The following ERBB4 variants were observed in gnomAD, a reference collection of about 807,000 sequenced individuals.
ERBB4 encodes erb-b2 receptor tyrosine kinase 4.
ERBB4 carries 42 observed loss-of-function variants against 158.0 expected under a neutral mutation model. The ratio of observed to expected loss-of-function variants is 0.27; its 90% CI spans 0.21 to 0.34. The LOEUF (loss-of-function observed/expected upper bound fraction) is 0.34. ERBB4 is among the 10% of genes least tolerant of loss of function. ERBB4 has a pLI of 1.00. For missense variants in ERBB4, 1,333 were observed against 1,624.1 expected (o/e 0.82, Z 3.08); for synonymous variants, 583 against 558.7 (o/e 1.04, Z -0.61).
chr2:211,416,271 C>CA (rs1039398830), intron 25 of ERBB4, among the ~76,000 whole-genome samples: 1 of 151,322 alleles, frequency 6.6e-6, no homozygotes, highest in East Asian at 1.9e-4. Flanking sequence ...TTTATTATAT[C>CA]AAAAAAATAT....
At chr2:212,046,152 T>C (rs1288221855) in intron 2 of ERBB4, among the ~76,000 whole-genome samples, 1 of 152,194 alleles carries the variant, frequency 6.6e-6, no homozygotes, top group African/African-American at 2.4e-5. Context: ...AAAATAATGC[T>C]GTTGAACAGA....
At chr2:211,774,950 A>G (rs1042500300) in intron 4 of ERBB4, among the ~76,000 whole-genome samples, 5 of 152,152 alleles carry the variant, frequency 3.3e-5, no homozygotes, top group Non-Finnish European at 5.9e-5. Flanking sequence ...CAGTAGAGTG[A>G]CTAGAATTTA....
chr2:212,374,414 A>G (rs1161130364), intron 1 of ERBB4, among the ~76,000 whole-genome samples: 1 of 151,718 alleles, frequency 6.6e-6, no homozygotes, highest in South Asian at 2.1e-4. Context: ...ACCTCCAAAA[A>G]TCTAAAAAGT....
At chr2:212,094,566 TA>T (rs1559485760) in intron 2 of ERBB4, among the ~76,000 whole-genome samples, 1 of 149,710 alleles carries the variant, frequency 6.7e-6, no homozygotes, top group Non-Finnish European at 1.5e-5. Flanking sequence ...AATATGAAAA[TA>T]AAAAAATAAA....
chr2:211,550,594 T>TATATATATATATATAAAA (rs1256961213), intron 20 of ERBB4, among the ~76,000 whole-genome samples: 1 of 145,270 alleles, frequency 6.9e-6, no homozygotes, highest in Non-Finnish European at 1.5e-5. Context: ...TATATATATA[T>TATATATATATATATAAAA]AAATATATAG....
chr2:211,603,696 A>C (rs2068876056), intron 19 of ERBB4, among the ~76,000 whole-genome samples: 1 of 152,162 alleles, frequency 6.6e-6, no homozygotes, highest in African/African-American at 2.4e-5. Context: ...ATTTTGAAAA[A>C]TGGGATTATG....
rs1238089721 is a variant in ERBB4, at chr2:212,058,525, A to G, written c.234+66227T>C. 3.9e-5 allele frequency among the ~76,000 whole-genome samples: 6 copies of G among 152,184 alleles called. No homozygotes were observed. In the East Asian group the frequency reaches 5.8e-4, roughly 15 times the overall value. On this transcript the variant is annotated intron_variant, in intron 2 of 27. Coordinates refer to ENST00000342788, the MANE Select transcript of ERBB4 (RefSeq NM_005235.3). ...TAGACCAATATCCCTGATGAACATCAATGCAAAAATCCTCAATAAAATACT... is the reference window on the plus strand; with the variant it reads ...TAGACCAATATCCCTGATGAACATCGATGCAAAAATCCTCAATAAAATACT...
chr2:211,649,069 A>G (rs1195587231), intron 16 of ERBB4, among the ~76,000 whole-genome samples: 1 of 151,898 alleles, frequency 6.6e-6, no homozygotes, highest in Non-Finnish European at 1.5e-5. Flanking sequence ...AAAAAGTTAC[A>G]TTATCTACAA....
chr2:211,501,372 T>C (rs759946794), intron 20 of ERBB4, among the ~76,000 whole-genome samples: 7 of 151,848 alleles, frequency 4.6e-5, no homozygotes, highest in Non-Finnish European at 1.0e-4. Context: ...CACAAATAAA[T>C]GATAAATGTT....
intron 1 of ERBB4, among the ~76,000 whole-genome samples, chr2:212,289,367 C>A (rs181981034): frequency 5.4e-4 from 82 of 152,202 alleles, no homozygotes; most frequent in African/African-American, 1.9e-3. Context: ...GTTACTCTCA[C>A]TAAAAGAAGT....
intron 3 of ERBB4, among the ~76,000 whole-genome samples, chr2:211,907,724 A>G (rs2079434289): frequency 6.6e-6 from 1 of 151,640 alleles, no homozygotes. Flanking sequence ...TTTAAAAAAA[A>G]ATAAAGTTGA....
intron 25 of ERBB4, among the ~76,000 whole-genome samples, chr2:211,392,598 ACACC>A (rs781076131): frequency 0.016 from 2,305 of 141,952 alleles, 33 homozygotes; most frequent in Middle Eastern, 0.021. Context: ...ACACACACAC[ACACC>A]CCAATAATGA....
intron 25 of ERBB4, among the ~76,000 whole-genome samples, chr2:211,390,782 T>C (rs927080912): frequency 6.6e-6 from 1 of 152,184 alleles, no homozygotes; most frequent in African/African-American, 2.4e-5. Flanking sequence ...AACTGCCAAA[T>C]AGCATCACAG....
At chr2:212,235,792 T>A (rs2083847553) in intron 1 of ERBB4, among the ~76,000 whole-genome samples, 1 of 152,236 alleles carries the variant, frequency 6.6e-6, no homozygotes, top group Non-Finnish European at 1.5e-5. Flanking sequence ...TTTATAGGAA[T>A]GCTTGTGATT....
At chr2:211,556,829 C>T (rs2067248447) in intron 20 of ERBB4, among the ~76,000 whole-genome samples, 1 of 152,116 alleles carries the variant, frequency 6.6e-6, no homozygotes, top group Admixed American at 6.5e-5. Context: ...AAGAACAAGG[C>T]TGGAGGCACC....
At chr2:211,696,958 C>T (rs1173942727) in intron 12 of ERBB4, among the ~76,000 whole-genome samples, 1 of 152,210 alleles carries the variant, frequency 6.6e-6, no homozygotes, top group African/African-American at 2.4e-5. Flanking sequence ...GCGTGAGCCA[C>T]CATGCCCGGC....
intron 1 of ERBB4, among the ~76,000 whole-genome samples, chr2:212,366,315 T>C (rs890345502): frequency 1.1e-4 from 16 of 151,942 alleles, no homozygotes; most frequent in African/African-American, 2.9e-4. Flanking sequence ...AATATTGTTT[T>C]CTCCAAAAAC....
chr2:211,952,998 A>G (rs1197374337), intron 2 of ERBB4, among the ~76,000 whole-genome samples: 2 of 152,102 alleles, frequency 1.3e-5, no homozygotes, highest in Non-Finnish European at 2.9e-5. Context: ...AATTTCAGAA[A>G]TGGTTCCTTA....
chr2:212,149,471 ATAT>A (rs1225955146), intron 1 of ERBB4, among the ~76,000 whole-genome samples: 3 of 152,222 alleles, frequency 2.0e-5, no homozygotes, highest in African/African-American at 7.2e-5. Context: ...AAATCGGATA[ATAT>A]TTGAAGGCAA....
Sources: allele counts gnomAD v4.1 joint callset (sites outside exome capture counted in the v4.1 genomes callset), GRCh38; gene constraint gnomAD v4.1.1; transcripts MANE v1.5; gene names NCBI Gene and HGNC (gene_info 2026-07-23, HGNC 2026-07-21).